Variants in SLC26A4 observed in about 807,000 individuals in gnomAD.
SLC26A4 encodes the protein pendrin.
In SLC26A4, 93 loss-of-function variants were observed where a neutral mutation model predicts 90.4. That is an observed-to-expected ratio of 1.03 (90% CI 0.87 to 1.22). The LOEUF is 1.22. Among genes scored for constraint, SLC26A4 ranks in the 50% most tolerant of loss-of-function variants. The probability of loss-of-function intolerance (pLI) is 0.00; values close to 1 mark genes in which losing one functional copy is unlikely to be tolerated. For missense variants in SLC26A4, 1,127 were observed against 946.2 expected (o/e 1.19, Z -2.51); for synonymous variants, 393 against 354.6 (o/e 1.11, Z -1.22).
In SLC26A4 at chr7:107,668,473, G is replaced by T. The variant is rs556557641; in HGVS notation, c.305-3665G>T. On this transcript the variant is annotated intron_variant, in intron 3 of 20. Transcript: ENST00000644269. ...TTTGGAGGTGGTGGTGTGGTTTCCA[G>T]TGATGACAATGTCCATGCCACAACC... Among the ~76,000 whole-genome samples the T allele has an allele frequency of 7.2e-5, 11 of 152,344 alleles. No homozygotes were observed. The South Asian group carries it at 2.1e-3, about 29-fold the overall frequency.
At chr7:107,696,988 T>C (rs1791760422) in intron 13 of SLC26A4, among the ~76,000 whole-genome samples, 1 of 152,358 alleles carries the variant, frequency 6.6e-6, no homozygotes, top group African/African-American at 2.4e-5. Flanking sequence ...TTCTCCTTCC[T>C]GCCCTCCTTC....
At chr7:107,678,292 C>T (rs961895678) in intron 6 of SLC26A4, among the ~76,000 whole-genome samples, 1 of 152,184 alleles carries the variant, frequency 6.6e-6, no homozygotes, top group African/African-American at 2.4e-5. Context: ...ACTCCCTATA[C>T]AAACCCAGTG....
chr7:107,681,700 C>T (rs780548969), intron 6 of SLC26A4, among the ~76,000 whole-genome samples: 2 of 152,092 alleles, frequency 1.3e-5, no homozygotes, highest in Non-Finnish European at 2.9e-5. Context: ...TTCTTCCTTG[C>T]TAATTTCCTT....
intron 8 of SLC26A4, 49 bp downstream of exon 8, chr7:107,683,586 G>T: frequency 1.4e-6 from 2 of 1,432,266 alleles, no homozygotes; most frequent in Non-Finnish European, 2.0e-6. Flanking sequence ...CAGTAAGTCA[G>T]TCTTTTTTAT....
chr7:107,675,714 C>T (rs1053492234), intron 6 of SLC26A4, among the ~76,000 whole-genome samples: 1 of 151,738 alleles, frequency 6.6e-6, no homozygotes, highest in African/African-American at 2.4e-5. Flanking sequence ...GCTGGGATTA[C>T]AGGCGCCCGC....
intron 6 of SLC26A4, among the ~76,000 whole-genome samples, chr7:107,678,260 T>C (rs1028953608): frequency 2.0e-5 from 3 of 152,228 alleles, no homozygotes; most frequent in Non-Finnish European, 4.4e-5. Context: ...ATTGAATACT[T>C]ACCATGTGCC....
At chr7:107,698,308 A>G (rs1051741587) in intron 14 of SLC26A4, among the ~76,000 whole-genome samples, 197 bp downstream of exon 14, 1 of 151,570 alleles carries the variant, frequency 6.6e-6, no homozygotes, top group Non-Finnish European at 1.5e-5. Context: ...TGTCTATGCT[A>G]GCTGAATGTC....
rs1792371411 is a variant in SLC26A4, at chr7:107,717,331, A to C, written c.*1885A>C. On this transcript the variant is annotated 3_prime_UTR_variant, in exon 21 of 21. Transcript: ENST00000644269. ...CAGTGAGCCGAGGTCGTGCCACTGC[A>C]CTCCAGCCTGGGCGACAGAGCAAGA... The C allele has an allele frequency of 7.3e-6, 1 of 137,776 alleles. No individual in the cohort carries two copies. Among genetic ancestry groups the C allele is most frequent in the Non-Finnish European group, 1.5e-5 (1 of 66,456 alleles). 8.5% of individuals were successfully genotyped at this position (137,776 alleles called of 1,614,324 possible).
intron 12 of SLC26A4, among the ~76,000 whole-genome samples, chr7:107,695,540 G>A (rs1272771194): frequency 6.6e-6 from 1 of 152,182 alleles, no homozygotes; most frequent in Non-Finnish European, 1.5e-5. Context: ...CAGGCACAGT[G>A]GCTCAGGCCT....
At chr7:107,679,870 TTA>T (rs1290455323) in intron 6 of SLC26A4, among the ~76,000 whole-genome samples, 11 of 12,820 alleles carry the variant, frequency 8.6e-4, no homozygotes, top group African/African-American at 4.1e-3. Flanking sequence ...TTATATAATC[TTA>T]TATTATATAA....
At chr7:107,682,213 G>C (rs1460404349) in intron 6 of SLC26A4, among the ~76,000 whole-genome samples, 1 of 150,016 alleles carries the variant, frequency 6.7e-6, no homozygotes, top group Non-Finnish European at 1.5e-5. Context: ...CTTGTCAGGA[G>C]ATATACCTAA....
chr7:107,684,302 C>G (rs1323836089), intron 8 of SLC26A4, among the ~76,000 whole-genome samples: 1 of 152,158 alleles, frequency 6.6e-6, no homozygotes. Flanking sequence ...TGCTGTTAAT[C>G]AAGAAGTACT....
Position 107,662,360 on chromosome 7 carries a change from T to A in SLC26A4, c.164+555T>A, listed in dbSNP as rs573977524. 3.3e-5 allele frequency among the ~76,000 whole-genome samples: 5 copies of A among 152,234 alleles called. No individual in the cohort carries two copies. The South Asian group carries it at 1.0e-3, about 32-fold the overall frequency. ...AACCCAAACATGCCGTAACTAGATG[T>A]CACAAACATAAAGAAATTAGAGTTT... On this transcript the variant is annotated intron_variant, in intron 2 of 20. Transcript: ENST00000644269.
chr7:107,714,275 G>A (rs117126802), intron 20 of SLC26A4, among the ~76,000 whole-genome samples: 2,132 of 152,124 alleles, frequency 0.014, 23 homozygotes, highest in Middle Eastern at 0.048. Context: ...CCCAGTACCC[G>A]TTACCTGGTG....
At chr7:107,698,709 G>T (rs948319230) in intron 14 of SLC26A4, among the ~76,000 whole-genome samples, 9 of 152,234 alleles carry the variant, frequency 5.9e-5, no homozygotes, top group Non-Finnish European at 1.3e-4. Flanking sequence ...TGTTTATCTG[G>T]TATATAATTC....
chr7:107,704,341 A>G lies in SLC26A4; in HGVS notation c.2045A>G (p.Glu682Gly). ...CTTTTTTATTTTTAGATTGTCAAAG[A>G]ATTCCAAAGAATTGATGTGAATGTG... The part of the protein sequence containing the change: ...GVRSLRVIVK[E>G]FQRIDVNVYF... The change falls in exon 18 of 21, where the codon GAA becomes GGA. Residue 682 changes from glutamate (E) to glycine (G), a missense_variant. Physicochemically the swap from Glu to Gly is moderately conservative, Grantham distance 98 (BLOSUM62 -2). Transcript: ENST00000644269. 7.3e-7 allele frequency: 1 copy of G among 1,367,888 alleles called. No homozygotes were observed. The highest frequency in any genetic ancestry group is 1.0e-6 in the Non-Finnish European group (1 of 960,012). The allele number at this position is 1,367,888 out of a possible 1,614,324, so 84.7% of individuals were successfully genotyped here.
At chr7:107,683,159 C>T (rs756966748) in intron 6 of SLC26A4, 43 bp from the exon 7 acceptor site, 124 of 1,489,866 alleles carry the variant, frequency 8.3e-5, no homozygotes, top group Non-Finnish European at 1.1e-4. Flanking sequence ...TGCTCGTGTG[C>T]GTGTAGCAGC....
chr7:107,674,107 C>T (rs1790946007), intron 4 of SLC26A4, 57 bp from the exon 5 acceptor site: 1 of 1,479,052 alleles, frequency 6.8e-7, no homozygotes, highest in Non-Finnish European at 9.5e-7. Context: ...CCTATGCAGA[C>T]ACATTGAACA....
At chr7:107,667,433 G>A (rs1790745834) in intron 3 of SLC26A4, among the ~76,000 whole-genome samples, 1 of 139,256 alleles carries the variant, frequency 7.2e-6, no homozygotes, top group African/African-American at 2.7e-5. Flanking sequence ...CCAAAGGAAT[G>A]TGGGATCAGA....
Sources: allele counts gnomAD v4.1 joint callset (sites outside exome capture counted in the v4.1 genomes callset), GRCh38; gene constraint gnomAD v4.1.1; transcripts MANE v1.5; gene names NCBI Gene and HGNC (gene_info 2026-07-23, HGNC 2026-07-21).